The following ERC1 variants were observed in gnomAD, a reference collection of about 807,000 sequenced individuals.
ERC1 encodes the protein RAB6 interacting protein 2.
Under a neutral mutation model 132.0 loss-of-function variants are expected in ERC1, and 56 were observed. The ratio of observed to expected loss-of-function variants is 0.42; its 90% CI spans 0.34 to 0.53. The LOEUF (loss-of-function observed/expected upper bound fraction) is 0.53. Among genes scored for constraint, ERC1 ranks in the 20% least tolerant of loss-of-function variants. The pLI is 0.03. For synonymous variants in ERC1, 478 were observed against 476.1 expected (o/e 1.00, Z -0.05); for missense variants, 1,202 against 1,349.9 (o/e 0.89, Z 1.72).
chr12:1,321,245 A>C (rs2082097150), intron 15 of ERC1, among the ~76,000 whole-genome samples: 1 of 152,200 alleles, frequency 6.6e-6, no homozygotes, highest in Non-Finnish European at 1.5e-5. Context: ...GAAGCTAGTA[A>C]ATGCCTGTTT....
At chr12:1,484,454 G>A (rs1054068172) in intron 18 of ERC1, among the ~76,000 whole-genome samples, 3 of 152,218 alleles carry the variant, frequency 2.0e-5, no homozygotes, top group African/African-American at 4.8e-5. Context: ...TTTGGCTGAT[G>A]AGACCAAATT....
chr12:1,436,711 A>G (rs2092959493), intron 17 of ERC1, among the ~76,000 whole-genome samples: 1 of 152,192 alleles, frequency 6.6e-6, no homozygotes, highest in Non-Finnish European at 1.5e-5. Flanking sequence ...AGTGTGAGTT[A>G]TCAATTTCAA....
chr12:997,087 TA>T (rs1283627700), intron 1 of ERC1, among the ~76,000 whole-genome samples: 1 of 152,128 alleles, frequency 6.6e-6, no homozygotes, highest in Non-Finnish European at 1.5e-5. Context: ...CCTGGCTAAT[TA>T]AAAAAAATTT....
rs538493570 is a variant in ERC1, at chr12:1,451,098, C to T, written c.3213+6348C>T. ...CGATTTGCAAATATTTTCTCCCGTT[C>T]TGTGGTTATCTTCTCACTGTTACTG... On this transcript the variant is annotated intron_variant, in intron 18 of 18. Coordinates refer to ENST00000360905, the MANE Select transcript of ERC1 (RefSeq NM_178040.4). 3.3e-5 allele frequency among the ~76,000 whole-genome samples: 5 copies of T among 152,304 alleles called. No individual in the cohort carries two copies. In the South Asian group the frequency reaches 6.2e-4, roughly 19 times the overall value.
intron 14 of ERC1, among the ~76,000 whole-genome samples, chr12:1,275,646 G>T (rs2078212024): frequency 6.6e-6 from 1 of 151,676 alleles, no homozygotes; most frequent in African/African-American, 2.4e-5. Context: ...GGAGAGGAGA[G>T]GGAAGTGGCA....
At chr12:1,396,571 A>G (rs2090562355) in intron 16 of ERC1, among the ~76,000 whole-genome samples, 1 of 152,230 alleles carries the variant, frequency 6.6e-6, no homozygotes, top group Non-Finnish European at 1.5e-5. Context: ...TAGCGCGGAA[A>G]GCCTTTTGTT....
At chr12:1,363,262 C>CT (rs1414900936) in intron 15 of ERC1, among the ~76,000 whole-genome samples, 2 of 152,172 alleles carry the variant, frequency 1.3e-5, no homozygotes, top group Non-Finnish European at 1.5e-5. Flanking sequence ...CAGGTAGAGG[C>CT]TTTATAGCAG....
chr12:1,478,160 C>T (rs778645066), intron 18 of ERC1, among the ~76,000 whole-genome samples: 8 of 152,128 alleles, frequency 5.3e-5, no homozygotes, highest in South Asian at 2.1e-4. Context: ...CATTTACACT[C>T]CCACCGGGAG....
chr12:1,108,145 C>G (rs1945461531), intron 4 of ERC1, among the ~76,000 whole-genome samples: 1 of 152,094 alleles, frequency 6.6e-6, no homozygotes, highest in Non-Finnish European at 1.5e-5. Context: ...TTGGTAGGTT[C>G]TTCTTCTGGT....
intron 12 of ERC1, among the ~76,000 whole-genome samples, chr12:1,228,670 A>G (rs77501512): frequency 0.029 from 4,414 of 152,260 alleles, 101 homozygotes; most frequent in East Asian, 0.073. Flanking sequence ...TGGGCTAATC[A>G]TATATGGCCT....
At chr12:1,221,099 T>C (rs1278416341) in intron 12 of ERC1, among the ~76,000 whole-genome samples, 2 of 152,218 alleles carry the variant, frequency 1.3e-5, no homozygotes, top group East Asian at 1.9e-4. Flanking sequence ...ATTTTTCTTA[T>C]GTTCTCTTTC....
At chr12:1,019,276 A>G (rs1268506669) in intron 1 of ERC1, among the ~76,000 whole-genome samples, 1 of 152,114 alleles carries the variant, frequency 6.6e-6, no homozygotes, top group Non-Finnish European at 1.5e-5. Context: ...GGTGTATACC[A>G]CCTGGCCCAG....
chr12:1,223,384 T>C (rs1486490812), intron 12 of ERC1, among the ~76,000 whole-genome samples: 1 of 152,252 alleles, frequency 6.6e-6, no homozygotes, highest in Non-Finnish European at 1.5e-5. Context: ...GCATTGACTG[T>C]TGTTTCTTAA....
chr12:1,313,443 T>C lies in ERC1; in HGVS notation c.2780+23431T>C, dbSNP rs191020243. ...GGAGTGGATGGATATTAAACAGAGATTCAACTTTCCTGTTCAGAAACGTGT... is the reference window on the plus strand; with the variant it reads ...GGAGTGGATGGATATTAAACAGAGACTCAACTTTCCTGTTCAGAAACGTGT... On this transcript the variant is annotated intron_variant, in intron 15 of 18. Transcript: ENST00000360905. Among the ~76,000 whole-genome samples, 5 of 152,204 alleles carry C rather than the reference T, an allele frequency of 3.3e-5. No homozygotes were observed. In the East Asian group the frequency reaches 9.7e-4, roughly 29 times the overall value.
At chr12:1,114,559 T>G (rs182416059) in intron 6 of ERC1, among the ~76,000 whole-genome samples, 1 of 152,326 alleles carries the variant, frequency 6.6e-6, no homozygotes, top group East Asian at 1.9e-4. Context: ...AACAAATGTG[T>G]TTTTGTTACA....
intron 18 of ERC1, among the ~76,000 whole-genome samples, chr12:1,482,956 C>A (rs58989190): frequency 6.6e-6 from 1 of 152,072 alleles, no homozygotes; most frequent in Non-Finnish European, 1.5e-5. Context: ...AAGCAGCTGC[C>A]ACTCTTACTT....
intron 15 of ERC1, among the ~76,000 whole-genome samples, chr12:1,350,735 G>A (rs931392106): frequency 3.9e-5 from 6 of 152,152 alleles, no homozygotes; most frequent in African/African-American, 9.7e-5. Context: ...GAATATCTGC[G>A]CCTGGATAAT....
intron 1 of ERC1, 153 bp downstream of exon 1, chr12:991,475 G>A (rs1285890578): frequency 6.6e-6 from 1 of 152,520 alleles, no homozygotes; most frequent in African/African-American, 2.4e-5. Flanking sequence ...CCCGGGGAGG[G>A]GCGGAGCTGT....
chr12:1,053,949 T>C (rs11061620), intron 2 of ERC1, among the ~76,000 whole-genome samples: 71,077 of 152,054 alleles, frequency 0.47, 20,202 homozygotes, highest in East Asian at 0.79. Flanking sequence ...ATCTTTAAGC[T>C]AGCCTTGACC....
Sources: allele counts gnomAD v4.1 joint callset (sites outside exome capture counted in the v4.1 genomes callset), GRCh38; gene constraint gnomAD v4.1.1; transcripts MANE v1.5; gene names NCBI Gene and HGNC (gene_info 2026-07-23, HGNC 2026-07-21).